LDB2: variants seen among roughly 807,000 people sequenced by gnomAD.
LDB2 encodes the protein LIM domain binding 2.
LDB2 carries 12 observed loss-of-function variants against 44.3 expected under a neutral mutation model. The ratio of observed to expected loss-of-function variants is 0.27; its 90% confidence interval spans 0.17 to 0.44. The LOEUF (loss-of-function observed/expected upper bound fraction) is 0.44, where lower values mean the gene tolerates loss of function less well. Ranked by LOEUF, LDB2 falls within the 20% of genes least tolerant of loss-of-function variation. The pLI is 1.00. For synonymous variants in LDB2, 164 were observed against 174.8 expected, an observed-to-expected ratio of 0.94 and a Z score of 0.49; for missense variants, 344 against 473.5, an observed-to-expected ratio of 0.73 and a Z score of 2.54.
chr4:16,838,638 G>C (rs148045483), intron 1 of LDB2, among the ~76,000 whole-genome samples: 1 of 152,132 alleles, frequency 6.6e-6, no homozygotes, highest in Non-Finnish European at 1.5e-5. Context: ...TGGAAGAAGT[G>C]TCTTGCTTTG....
At chr4:16,833,155 T>C (rs1352895933) in intron 1 of LDB2, among the ~76,000 whole-genome samples, 4 of 152,210 alleles carry the variant, frequency 2.6e-5, no homozygotes, top group Non-Finnish European at 4.4e-5. Flanking sequence ...TACTCAATTA[T>C]AACTAGAAAA....
chr4:16,834,718 T>TG (rs1452448066), intron 1 of LDB2, among the ~76,000 whole-genome samples: 1 of 151,420 alleles, frequency 6.6e-6, no homozygotes, highest in Non-Finnish European at 1.5e-5. Flanking sequence ...TCCCCTCTAC[T>TG]GGGGAGGCTG....
chr4:16,604,358 TAATC>T (rs1723349266), intron 2 of LDB2, among the ~76,000 whole-genome samples: 1 of 151,946 alleles, frequency 6.6e-6, no homozygotes, highest in African/African-American at 2.4e-5. Flanking sequence ...CTAGGCAAAA[TAATC>T]CACTATTCCC....
chr4:16,714,353 A>T (rs1756580253), intron 2 of LDB2, among the ~76,000 whole-genome samples: 2 of 152,216 alleles, frequency 1.3e-5, no homozygotes, highest in Non-Finnish European at 2.9e-5. Flanking sequence ...ATCCCACTCC[A>T]CTGGCTTCAG....
In LDB2 at chr4:16,898,604, G is replaced by C. The variant is rs1725987072; in HGVS notation, c.-119C>G. ...ACGCACACACGCTCACACACACACAGAGGCAGGCAGGCAGGCAGGCTGAAC... is the reference window on the plus strand; with the variant it reads ...ACGCACACACGCTCACACACACACACAGGCAGGCAGGCAGGCAGGCTGAAC... On this transcript the variant is annotated 5_prime_UTR_variant, in exon 1 of 8. Coordinates refer to ENST00000304523, the MANE Select transcript of LDB2 (RefSeq NM_001290.5). The C allele has an allele frequency of 4.3e-6, 4 of 928,008 alleles. No homozygotes were observed. Among genetic ancestry groups the C allele is most frequent in the South Asian group, 2.0e-5 (1 of 48,886 alleles). 57.5% of individuals were successfully genotyped at this position (928,008 alleles called of 1,614,324 possible).
intron 2 of LDB2, among the ~76,000 whole-genome samples, chr4:16,614,802 G>C (rs1239812314): frequency 6.6e-6 from 1 of 151,724 alleles, no homozygotes; most frequent in Non-Finnish European, 1.5e-5. Context: ...CGGGCGCGGT[G>C]GCTCACGCCT....
intron 5 of LDB2, among the ~76,000 whole-genome samples, chr4:16,551,752 G>A (rs1011319044): frequency 6.6e-6 from 1 of 152,126 alleles, no homozygotes; most frequent in Non-Finnish European, 1.5e-5. Context: ...CCTGACCTCA[G>A]GTGATACGCC....
intron 1 of LDB2, among the ~76,000 whole-genome samples, chr4:16,897,301 T>C (rs1725297382): frequency 2.6e-5 from 4 of 152,198 alleles, no homozygotes; most frequent in African/African-American, 7.2e-5. Flanking sequence ...GTGGTATTTA[T>C]ACTCTGCAGA....
At chr4:16,791,920 T>TG in intron 1 of LDB2, among the ~76,000 whole-genome samples, 1 of 152,304 alleles carries the variant, frequency 6.6e-6, no homozygotes, top group Non-Finnish European at 1.5e-5. Flanking sequence ...CCTATTTACA[T>TG]GGGGAAAGCT....
intron 2 of LDB2, among the ~76,000 whole-genome samples, chr4:16,667,906 C>T (rs1181220681): frequency 6.6e-6 from 1 of 152,192 alleles, no homozygotes; most frequent in Admixed American, 6.5e-5. Context: ...TTCCCTCTCA[C>T]TCTGGTCCTC....
intron 5 of LDB2, among the ~76,000 whole-genome samples, chr4:16,517,879 GTGGATGGA>G (rs34267672): frequency 0.25 from 37,505 of 148,594 alleles, 4,904 homozygotes; most frequent in African/African-American, 0.29. Context: ...TGATGAATGA[GTGGATGGA>G]TGGATGGATG....
At chr4:16,795,009 C>A (rs887550616) in intron 1 of LDB2, among the ~76,000 whole-genome samples, 2 of 152,260 alleles carry the variant, frequency 1.3e-5, no homozygotes, top group Non-Finnish European at 2.9e-5. Flanking sequence ...AGTAGACAAT[C>A]AATAGAATCA....
intron 2 of LDB2, among the ~76,000 whole-genome samples, chr4:16,735,572 A>C (rs973176569): frequency 2.6e-4 from 10 of 38,244 alleles, no homozygotes; most frequent in Non-Finnish European, 5.1e-4. Context: ...GAACGGACAG[A>C]AAAAAAAACA....
At chr4:16,754,938 C>T (rs1018700955) in intron 2 of LDB2, among the ~76,000 whole-genome samples, 1 of 152,188 alleles carries the variant, frequency 6.6e-6, no homozygotes, top group Non-Finnish European at 1.5e-5. Context: ...ACCCCTGTTC[C>T]CTTTCTCCTG....
chr4:16,821,746 C>CAAAAAAAAAAAAAAAAAAAAAAAA lies in LDB2; in HGVS notation c.133-62510_133-62487dup, dbSNP rs562184189. On this transcript the variant is annotated intron_variant, in intron 1 of 7. Transcript: ENST00000304523. The stretch of plus-strand genomic sequence containing the variant: ...AATGGAAACCATTCCAACATTAAAG[C>CAAAAAAAAAAAAAAAAAAAAAAAA]AAAAAAAAAAAAAAAAAAAAAAAAT... Among the ~76,000 whole-genome samples, 39 of 61,738 alleles carry CAAAAAAAAAAAAAAAAAAAAAAAA rather than the reference C, an allele frequency of 6.3e-4. 1 individual carries two copies. The highest frequency in any genetic ancestry group is 8.0e-4 in the Non-Finnish European group (28 of 34,980). 40.5% of individuals were successfully genotyped at this position (61,738 alleles called of 152,430 possible).
At chr4:16,510,134 C>CA (rs1219259017) in intron 6 of LDB2, among the ~76,000 whole-genome samples, 3 of 152,074 alleles carry the variant, frequency 2.0e-5, no homozygotes, top group African/African-American at 4.8e-5. Flanking sequence ...CAAAGCAAGA[C>CA]AAAATCACAC....
intron 7 of LDB2, among the ~76,000 whole-genome samples, chr4:16,505,145 AC>A (rs1209862483): frequency 6.6e-6 from 1 of 152,254 alleles, no homozygotes; most frequent in Non-Finnish European, 1.5e-5. Flanking sequence ...GAAGAAAAGT[AC>A]TATGAACATA....
chr4:16,889,531 T>A (rs958422339), intron 1 of LDB2, among the ~76,000 whole-genome samples: 1 of 152,208 alleles, frequency 6.6e-6, no homozygotes, highest in Non-Finnish European at 1.5e-5. Context: ...TAGCAGTGAA[T>A]GCTCACTGGG....
intron 1 of LDB2, among the ~76,000 whole-genome samples, chr4:16,859,866 C>T (rs1240971980): frequency 2.0e-5 from 3 of 152,138 alleles, no homozygotes; most frequent in African/African-American, 4.8e-5. Flanking sequence ...ATATATTGAA[C>T]GTTTAAAATT....
Sources: gnomAD v4.1 joint callset for allele counts (sites outside exome capture counted in the v4.1 genomes callset) on GRCh38, gnomAD v4.1.1 for gene constraint, MANE v1.5 for transcripts, NCBI Gene and HGNC (gene_info 2026-07-23, HGNC 2026-07-21) for gene names.